Variants in DAB1 observed in about 807,000 individuals in gnomAD.
The protein encoded by DAB1 is disabled homolog 1.
In DAB1, 15 loss-of-function variants were observed where a neutral mutation model predicts 64.6. The ratio of observed to expected loss-of-function variants is 0.23; its 90% confidence interval spans 0.16 to 0.36. The LOEUF is 0.36. Among genes scored for constraint, DAB1 ranks in the 10% least tolerant of loss-of-function variants. DAB1 has a pLI of 1.00. For synonymous variants in DAB1, 235 were observed against 251.9 expected, an observed-to-expected ratio of 0.93 and a Z score of 0.64; for missense variants, 596 against 706.7, an observed-to-expected ratio of 0.84 and a Z score of 1.78.
At chr1:57,660,941 C>T (rs564796845) in intron 6 of DAB1, among the ~76,000 whole-genome samples, 6 of 152,242 alleles carry the variant, frequency 3.9e-5, no homozygotes, top group South Asian at 2.1e-4. Context: ...CACATGCAAA[C>T]GTGTCTCAAA....
chr1:58,307,489 C>T (rs1662333905), intron 4 of DAB1, among the ~76,000 whole-genome samples: 1 of 152,126 alleles, frequency 6.6e-6, no homozygotes, highest in African/African-American at 2.4e-5. Flanking sequence ...GGCTGGGGGA[C>T]TGGTGTCAGA....
At chr1:57,351,211 G>A (rs1390840047) in intron 1 of DAB1, among the ~76,000 whole-genome samples, 2 of 152,156 alleles carry the variant, frequency 1.3e-5, no homozygotes. Flanking sequence ...AGGTTTTGCA[G>A]ACTCCAAAGA....
intron 1 of DAB1, among the ~76,000 whole-genome samples, chr1:57,402,634 T>C (rs1271741633): frequency 6.6e-6 from 1 of 152,190 alleles, no homozygotes; most frequent in African/African-American, 2.4e-5. Context: ...AGGCAATATA[T>C]TTTCTGCCTC....
chr1:58,131,538 T>G (rs1279187561), intron 5 of DAB1, among the ~76,000 whole-genome samples: 4 of 143,622 alleles, frequency 2.8e-5, no homozygotes, highest in Middle Eastern at 3.5e-3. Flanking sequence ...GGCGCTCTGC[T>G]TTTTAGAGTT....
chr1:57,216,790 G>A (rs942530189), intron 2 of DAB1, among the ~76,000 whole-genome samples: 1 of 152,112 alleles, frequency 6.6e-6, no homozygotes, highest in Non-Finnish European at 1.5e-5. Flanking sequence ...CATTTTTACA[G>A]ACAACAGAAC....
Position 58,480,709 on chromosome 1 carries a change from G to A in DAB1, n.257+25351C>T, listed in dbSNP as rs887612266. The A allele has an allele frequency of 2.4e-5, 7 of 285,894 alleles. No individual in the cohort carries two copies. The East Asian group carries it at 5.7e-4, about 23-fold the overall frequency. The allele number at this position is 285,894 out of a possible 1,614,324, so 17.7% of individuals were successfully genotyped here. ...CTGCCTTCTAAATCAAAAGCAAGTA[G>A]AAGACAGAGTAAAATGTGTAATATA... On this transcript the variant is annotated intron_variant and non_coding_transcript_variant, in intron 3 of 20. Coordinates refer to the DAB1 transcript ENST00000485760.
At chr1:58,290,444 C>G (rs367672352) in intron 4 of DAB1, among the ~76,000 whole-genome samples, 13 of 152,138 alleles carry the variant, frequency 8.5e-5, no homozygotes, top group African/African-American at 2.9e-4. Context: ...ATTATTAAAG[C>G]ACAACATGTC....
chr1:58,151,635 T>A (rs981406007), intron 4 of DAB1, among the ~76,000 whole-genome samples: 1 of 152,218 alleles, frequency 6.6e-6, no homozygotes, highest in Non-Finnish European at 1.5e-5. Flanking sequence ...TGTGTCTGCA[T>A]ACCCTGGCCA....
intron 2 of DAB1, among the ~76,000 whole-genome samples, chr1:57,176,957 A>G (rs1225790394): frequency 7.2e-6 from 1 of 139,676 alleles, no homozygotes; most frequent in African/African-American, 2.9e-5. Flanking sequence ...TAAAAAAAAG[A>G]AGCAGCAGCA....
chr1:58,392,396 G>A (rs1644483010), intron 3 of DAB1, among the ~76,000 whole-genome samples: 1 of 152,124 alleles, frequency 6.6e-6, no homozygotes, highest in Non-Finnish European at 1.5e-5. Context: ...CGTCTCAGCG[G>A]GTTGACGTAG....
At chr1:58,476,552 G>T (rs1304755951) in intron 3 of DAB1, among the ~76,000 whole-genome samples, 2 of 152,160 alleles carry the variant, frequency 1.3e-5, no homozygotes, top group Non-Finnish European at 2.9e-5. Flanking sequence ...GAAGTTAGGG[G>T]GCAAAGTGTA....
At chr1:57,812,001 T>C (rs1445756674) in intron 6 of DAB1, among the ~76,000 whole-genome samples, 1 of 152,070 alleles carries the variant, frequency 6.6e-6, no homozygotes. Context: ...TGTGTCAACA[T>C]GTAAAGAATA....
At chr1:57,526,910 C>A (rs893224449) in intron 7 of DAB1, among the ~76,000 whole-genome samples, 1 of 152,028 alleles carries the variant, frequency 6.6e-6, no homozygotes, top group Non-Finnish European at 1.5e-5. Context: ...ATTATAATGA[C>A]TATATTATGA....
chr1:58,361,870 T>C (rs1644170719), intron 3 of DAB1, among the ~76,000 whole-genome samples: 1 of 111,386 alleles, frequency 9.0e-6, no homozygotes, highest in African/African-American at 3.2e-5. Flanking sequence ...CCCCTTTTTT[T>C]TTTTTTTTTT....
chr1:57,099,125 A>T (rs1654438122), intron 4 of DAB1, among the ~76,000 whole-genome samples: 1 of 152,190 alleles, frequency 6.6e-6, no homozygotes. Context: ...CAATCAATAC[A>T]TATCTACTGG....
At chr1:57,641,625 C>G (rs889200683) in intron 7 of DAB1, among the ~76,000 whole-genome samples, 2 of 151,676 alleles carry the variant, frequency 1.3e-5, no homozygotes, top group Admixed American at 1.3e-4. Flanking sequence ...ATCATGTGAT[C>G]TGCCCACCTC....
At chr1:58,066,979 A>G (rs1648894286) in intron 5 of DAB1, among the ~76,000 whole-genome samples, 1 of 152,238 alleles carries the variant, frequency 6.6e-6, no homozygotes, top group South Asian at 2.1e-4. Context: ...TTCTCCTTGT[A>G]TCCCAACACC....
chr1:57,272,144 A>G (rs1001954560), intron 2 of DAB1, among the ~76,000 whole-genome samples: 4 of 149,458 alleles, frequency 2.7e-5, no homozygotes, highest in African/African-American at 1.0e-4. Context: ...CAGGAGAGCC[A>G]GCTTTCCAGA....
At chr1:58,406,511 A>T (rs1331517355) in intron 3 of DAB1, among the ~76,000 whole-genome samples, 1 of 152,212 alleles carries the variant, frequency 6.6e-6, no homozygotes, top group Non-Finnish European at 1.5e-5. Context: ...GCTAGTTTTA[A>T]TGATCACGAG....
Sources: gnomAD v4.1 joint callset for allele counts (sites outside exome capture counted in the v4.1 genomes callset) on GRCh38, gnomAD v4.1.1 for gene constraint, MANE v1.5 for transcripts, NCBI Gene and HGNC (gene_info 2026-07-23, HGNC 2026-07-21) for gene names.